The following INTS9 variants were observed in gnomAD, a reference collection of about 807,000 sequenced individuals.
INTS9 encodes the protein protein related to CPSF subunits of 74 kDa.
Under a neutral mutation model 79.7 loss-of-function variants are expected in INTS9, and 55 were observed. The ratio of observed to expected loss-of-function variants is 0.69; its 90% CI spans 0.56 to 0.86. The LOEUF (loss-of-function observed/expected upper bound fraction) is 0.86. Among genes scored for constraint, INTS9 ranks in the 40% least tolerant of loss-of-function variants. INTS9 has a pLI of 0.00. For missense variants in INTS9, 721 were observed against 831.5 expected (o/e 0.87, Z 1.64); for synonymous variants, 319 against 325.2 (o/e 0.98, Z 0.20).
intron 6 of INTS9, among the ~76,000 whole-genome samples, chr8:28,828,058 G>A (rs867494542): frequency 2.6e-5 from 4 of 152,176 alleles, no homozygotes; most frequent in Non-Finnish European, 2.9e-5. Context: ...TGATTACTCC[G>A]TCAAAGCACT....
At chr8:28,795,705 CAT>C (rs1478484339) in intron 9 of INTS9, among the ~76,000 whole-genome samples, 3 of 148,270 alleles carry the variant, frequency 2.0e-5, no homozygotes, top group Non-Finnish European at 4.5e-5. Flanking sequence ...CTCTTCTCCA[CAT>C]GAGGACACTG....
chr8:28,816,612 A>C (rs1208874586), intron 6 of INTS9, among the ~76,000 whole-genome samples: 1 of 150,024 alleles, frequency 6.7e-6, no homozygotes, highest in Non-Finnish European at 1.5e-5. Context: ...CGCAATAAAC[A>C]TACGTGTGCA....
chr8:28,813,650 T>A, intron 6 of INTS9, 38 bp from the exon 7 acceptor site: 1 of 1,607,652 alleles, frequency 6.2e-7, no homozygotes, highest in South Asian at 1.1e-5. Context: ...CAGGTGAACA[T>A]TTCTTCATGT....
intron 6 of INTS9, among the ~76,000 whole-genome samples, chr8:28,814,048 C>T (rs991343915): frequency 1.3e-5 from 2 of 150,714 alleles, no homozygotes; most frequent in African/African-American, 2.5e-5. Flanking sequence ...CATGAGCCAC[C>T]GTGCTCAGCC....
In INTS9 at chr8:28,814,334, A is replaced by T. The variant is rs868249236; in HGVS notation, c.489-722T>A. Among the ~76,000 whole-genome samples, 380 of 139,302 alleles carry T rather than the reference A, an allele frequency of 2.7e-3. 1 individual carries two copies. Among genetic ancestry groups the T allele is most frequent in the African/African-American group, 9.2e-3 (347 of 37,722 alleles). The allele number at this position is 139,302 out of a possible 152,430, so 91.4% of individuals were successfully genotyped here. A position where few individuals can be genotyped will look rare whatever the true frequency, so the allele number is the denominator to read the frequency against. On this transcript the variant is annotated intron_variant, in intron 6 of 16. Transcript: ENST00000521022. ...CACACACACACACACACACACACAC[A>T]CTCTCACACACACACCCTTAAGACA...
At chr8:28,781,234 G>T (rs546819371) in intron 11 of INTS9, among the ~76,000 whole-genome samples, 1 of 152,206 alleles carries the variant, frequency 6.6e-6, no homozygotes, top group South Asian at 2.1e-4. Context: ...CAAAAAACCT[G>T]AACAGACACC....
At position 28,780,999 on chromosome 8, in the gene INTS9, A is replaced by C; in HGVS notation, c.1099-5T>G. ...CAGCTTATTGGTCTGAATGAGCTGG[A>C]AAATATAGAAAAAATACAAAGAAAT... On this transcript the variant is annotated splice_polypyrimidine_tract_variant and splice_region_variant and intron_variant, in intron 11 of 16. Transcript: ENST00000521022. 6.2e-7 allele frequency: 1 copy of C among 1,609,744 alleles called. No individual in the cohort carries two copies. The highest frequency in any genetic ancestry group is 8.5e-7 in the Non-Finnish European group (1 of 1,176,832).
At chr8:28,847,901 G>A (rs1807616459) in intron 3 of INTS9, among the ~76,000 whole-genome samples, 1 of 152,206 alleles carries the variant, frequency 6.6e-6, no homozygotes. Context: ...ATCCCACTGA[G>A]GAGCAATGGG....
At chr8:28,877,422 T>G (rs992431633) in intron 1 of INTS9, among the ~76,000 whole-genome samples, 1 of 152,196 alleles carries the variant, frequency 6.6e-6, no homozygotes, top group South Asian at 2.1e-4. Context: ...GTTTGATCAT[T>G]ACATTGTAGT....
At chr8:28,776,845 A>C (rs1288510548) in intron 13 of INTS9, among the ~76,000 whole-genome samples, 1 of 152,092 alleles carries the variant, frequency 6.6e-6, no homozygotes, top group African/African-American at 2.4e-5. Flanking sequence ...GGGCGTCAAG[A>C]GCTGGTTTAG....
At chr8:28,787,152 G>A (rs764924409) in intron 11 of INTS9, among the ~76,000 whole-genome samples, 27 of 152,200 alleles carry the variant, frequency 1.8e-4, no homozygotes, top group Non-Finnish European at 2.5e-4. Flanking sequence ...GCAGAAAAAC[G>A]TTCATAATAT....
rs1190284961 is a variant in INTS9, at chr8:28,880,493, G to A, written c.9+9381C>T. On this transcript the variant is annotated intron_variant, in intron 1 of 16. Transcript: ENST00000521022. Reference sequence around the variant, plus strand: ...CCGGGCTGGTCTCCAGCTCCTAACCGCGAGTGATCCGCCAGCCTCGGCCTC... The same window carrying A: ...CCGGGCTGGTCTCCAGCTCCTAACCACGAGTGATCCGCCAGCCTCGGCCTC... Among the ~76,000 whole-genome samples the A allele has an allele frequency of 5.3e-5, 8 of 152,002 alleles. No homozygotes were observed. In the East Asian group the frequency reaches 1.5e-3, roughly 29 times the overall value.
chr8:28,811,296 G>T (rs759493258), intron 8 of INTS9, among the ~76,000 whole-genome samples: 2 of 151,816 alleles, frequency 1.3e-5, no homozygotes, highest in Non-Finnish European at 2.9e-5. Context: ...CCTAATTTTT[G>T]TATTTTTAGT....
At chr8:28,835,462 G>GAT in intron 5 of INTS9, 84 bp from the exon 6 acceptor site, 2 of 768,606 alleles carry the variant, frequency 2.6e-6, no homozygotes, top group Non-Finnish European at 2.0e-6. Context: ...CAGGAGAAAT[G>GAT]ACTTGCCCAC....
At chr8:28,853,843 C>T (rs576074648) in intron 2 of INTS9, among the ~76,000 whole-genome samples, 17 of 152,128 alleles carry the variant, frequency 1.1e-4, no homozygotes, top group East Asian at 3.9e-4. Context: ...CTCAGCCTCC[C>T]GAGTAGCTGG....
In INTS9 at chr8:28,872,694, G is replaced by A. The variant is rs535983013; in HGVS notation, c.10-13131C>T. On this transcript the variant is annotated intron_variant, in intron 1 of 16. Transcript: ENST00000521022. ...AGTCATATTGGATCACAAAGAGGAA[G>A]TCATGGATTACAGATGGTGGAGCTA... 2.6e-5 allele frequency among the ~76,000 whole-genome samples: 4 copies of A among 152,296 alleles called. No individual in the cohort carries two copies. The South Asian group carries it at 8.3e-4, about 32-fold the overall frequency.
At chr8:28,787,075 T>C (rs186285748) in intron 11 of INTS9, among the ~76,000 whole-genome samples, 114 of 152,234 alleles carry the variant, frequency 7.5e-4, no homozygotes, top group African/African-American at 2.3e-3. Flanking sequence ...AGTGAAAATA[T>C]AACCAAAAAT....
At chr8:28,874,007 C>T (rs1400876404) in intron 1 of INTS9, among the ~76,000 whole-genome samples, 8 of 152,176 alleles carry the variant, frequency 5.3e-5, no homozygotes, top group African/African-American at 1.2e-4. Flanking sequence ...TTACTGCTTC[C>T]GAGGTCTTCT....
intron 1 of INTS9, among the ~76,000 whole-genome samples, chr8:28,871,114 C>G (rs1002576715): frequency 6.6e-6 from 1 of 152,186 alleles, no homozygotes; most frequent in African/African-American, 2.4e-5. Flanking sequence ...AAACTTCTTA[C>G]TAGTCACACC....
Sources: allele counts gnomAD v4.1 joint callset (sites outside exome capture counted in the v4.1 genomes callset), GRCh38; gene constraint gnomAD v4.1.1; transcripts MANE v1.5; gene names NCBI Gene and HGNC (gene_info 2026-07-23, HGNC 2026-07-21).